The following CAST variants were observed in gnomAD, a reference collection of about 807,000 sequenced individuals.
The protein encoded by CAST is MIR583 host.
Under a neutral mutation model 119.6 loss-of-function variants are expected in CAST, and 76 were observed. The ratio of observed to expected loss-of-function variants is 0.64; its 90% CI spans 0.53 to 0.77. CAST has a LOEUF of 0.77. Among genes scored for constraint, CAST ranks in the 30% least tolerant of loss-of-function variants. The pLI, the probability that CAST is intolerant of heterozygous loss-of-function variation, is 0.00. For synonymous variants in CAST, 319 were observed against 331.6 expected, an observed-to-expected ratio of 0.96 and a Z score of 0.41; for missense variants, 953 against 946.5, an observed-to-expected ratio of 1.01 and a Z score of -0.09.
the CAST span, among the ~76,000 whole-genome samples, chr5:96,413,963 C>CAAAA: frequency 1.8e-4 from 4 of 22,426 alleles, no homozygotes; most frequent in Non-Finnish European, 2.6e-4. Context: ...ACTAAAAATA[C>CAAAA]AAAAAAAAAA....
the CAST span, among the ~76,000 whole-genome samples, chr5:96,373,807 A>G: frequency 7.9e-5 from 12 of 151,744 alleles, no homozygotes; most frequent in Admixed American, 2.6e-4. Flanking sequence ...CTACAGTGGC[A>G]CAATCACAGC....
At chr5:96,653,735 T>C (rs1748122240) in intron 1 of CAST, among the ~76,000 whole-genome samples, 1 of 152,172 alleles carries the variant, frequency 6.6e-6, no homozygotes, top group African/African-American at 2.4e-5. Flanking sequence ...TATTTCATTT[T>C]GGCTTCTTTA....
At chr5:96,350,521 T>C in the CAST span, among the ~76,000 whole-genome samples, 1 of 152,104 alleles carries the variant, frequency 6.6e-6, no homozygotes, top group Non-Finnish European at 1.5e-5. Context: ...GGTGAAGATA[T>C]TGGAGCCCAC....
At chr5:96,099,643 A>C in the CAST span, among the ~76,000 whole-genome samples, 1 of 152,196 alleles carries the variant, frequency 6.6e-6, no homozygotes, top group Admixed American at 6.5e-5. Flanking sequence ...ATTTGCATGC[A>C]TTGAAACAAA....
rs886624351 is a variant in CAST, at chr5:96,536,313, C to T, written c.60+6433C>T. Reference sequence around the variant, plus strand: ...GGTGGAGGTTACGGTGAGCCGAGATCGTGCCACTGTACTCCAGCCTGGGCG... The same window carrying T: ...GGTGGAGGTTACGGTGAGCCGAGATTGTGCCACTGTACTCCAGCCTGGGCG... On this transcript the variant is annotated intron_variant, in intron 1 of 11. Coordinates refer to the CAST transcript ENST00000505143. Among the ~76,000 whole-genome samples, 4 of 152,168 alleles carry T rather than the reference C, an allele frequency of 2.6e-5. 1 individual carries two copies. The highest frequency in any genetic ancestry group is 2.1e-4 in the South Asian group (1 of 4,818).
At chr5:96,421,421 C>T in the CAST span, among the ~76,000 whole-genome samples, 1 of 152,166 alleles carries the variant, frequency 6.6e-6, no homozygotes, top group East Asian at 1.9e-4. Context: ...TTTGGCCATG[C>T]TCTTCTGAGA....
At chr5:96,573,475 A>G (rs1262623406) in intron 1 of CAST, among the ~76,000 whole-genome samples, 1 of 152,116 alleles carries the variant, frequency 6.6e-6, no homozygotes, top group African/African-American at 2.4e-5. Context: ...TACAAAATAA[A>G]TAAAAAAATA....
chr5:96,098,129 T>C, the CAST span, among the ~76,000 whole-genome samples: 1 of 152,252 alleles, frequency 6.6e-6, no homozygotes, highest in Non-Finnish European at 1.5e-5. Context: ...ATGTCTTCTT[T>C]AGAGAAGTGT....
At chr5:96,511,642 C>T in the CAST span, among the ~76,000 whole-genome samples, 1 of 152,220 alleles carries the variant, frequency 6.6e-6, no homozygotes, top group African/African-American at 2.4e-5. Flanking sequence ...ATAGAAAGGA[C>T]ATTTTATGCT....
chr5:96,734,066 A>C (rs1761150838), intron 9 of CAST, among the ~76,000 whole-genome samples: 1 of 152,174 alleles, frequency 6.6e-6, no homozygotes, highest in Non-Finnish European at 1.5e-5. Context: ...AATTCAGGGA[A>C]TCCACAAGAG....
At chr5:96,486,601 C>A in the CAST span, among the ~76,000 whole-genome samples, 1 of 152,190 alleles carries the variant, frequency 6.6e-6, no homozygotes, top group African/African-American at 2.4e-5. Flanking sequence ...GACAGAGCGT[C>A]TCCCTCCAGC....
At chr5:96,611,428 C>A (rs1747359240) in intron 1 of CAST, among the ~76,000 whole-genome samples, 1 of 152,054 alleles carries the variant, frequency 6.6e-6, no homozygotes, top group South Asian at 2.1e-4. Flanking sequence ...AAAACTGGAC[C>A]CCTACCTCTC....
upstream of CAST, among the ~76,000 whole-genome samples, chr5:96,526,346 A>G (rs1745596970): frequency 6.6e-6 from 1 of 152,178 alleles, no homozygotes; most frequent in Non-Finnish European, 1.5e-5. Context: ...ATGGGAAGGT[A>G]GAGGTAGGAA....
chr5:96,092,257 T>C, the CAST span, among the ~76,000 whole-genome samples: 5 of 152,334 alleles, frequency 3.3e-5, no homozygotes, highest in African/African-American at 1.2e-4. Context: ...TGTTTTTTAT[T>C]CTTTCAAAGC....
intron 3 of CAST, among the ~76,000 whole-genome samples, chr5:96,698,783 T>C (rs1484059638): frequency 6.6e-6 from 1 of 152,200 alleles, no homozygotes; most frequent in East Asian, 1.9e-4. Flanking sequence ...GAATTGGAAG[T>C]GAGAACTAGT....
the CAST span, among the ~76,000 whole-genome samples, chr5:96,420,179 A>G: frequency 6.6e-6 from 1 of 152,210 alleles, no homozygotes; most frequent in African/African-American, 2.4e-5. Flanking sequence ...AAACATAGGG[A>G]GAAGGTACGT....
intron 1 of CAST, among the ~76,000 whole-genome samples, chr5:96,652,111 C>T (rs1580858871): frequency 6.6e-6 from 1 of 152,176 alleles, no homozygotes; most frequent in African/African-American, 2.4e-5. Context: ...ATCCAAAACC[C>T]CTGCTTTTCA....
At chr5:96,704,794 C>T (rs902377644) in intron 3 of CAST, among the ~76,000 whole-genome samples, 9 of 152,136 alleles carry the variant, frequency 5.9e-5, no homozygotes, top group African/African-American at 2.2e-4. Context: ...TAGAAAATTA[C>T]AGGAGGTCTT....
the CAST span, among the ~76,000 whole-genome samples, chr5:95,968,554 T>C: frequency 6.6e-6 from 1 of 152,104 alleles, no homozygotes; most frequent in African/African-American, 2.4e-5. Flanking sequence ...ATAATATCAC[T>C]CTTCCCGCGG....
Sources: gnomAD v4.1 joint callset for allele counts (sites outside exome capture counted in the v4.1 genomes callset) on GRCh38, gnomAD v4.1.1 for gene constraint, MANE v1.5 for transcripts, NCBI Gene and HGNC (gene_info 2026-07-23, HGNC 2026-07-21) for gene names.